The following ATP6V0A4 variants were observed in gnomAD, a reference collection of about 807,000 sequenced individuals.
ATP6V0A4 encodes V-type proton ATPase 116 kDa subunit a 4.
ATP6V0A4 carries 86 observed loss-of-function variants against 107.3 expected under a neutral mutation model. That is an observed-to-expected ratio of 0.80 (90% CI 0.67 to 0.96). The LOEUF (loss-of-function observed/expected upper bound fraction) is 0.96. Ranked by LOEUF, ATP6V0A4 falls within the 40% of genes least tolerant of loss-of-function variation. ATP6V0A4 has a pLI of 0.00. For missense variants in ATP6V0A4, 908 were observed against 1,045.6 expected, an observed-to-expected ratio of 0.87 and a Z score of 1.81; for synonymous variants, 353 against 381.4, an observed-to-expected ratio of 0.93 and a Z score of 0.87.
intron 20 of ATP6V0A4, among the ~76,000 whole-genome samples, chr7:138,711,897 G>A (rs1470305422): frequency 2.0e-5 from 3 of 152,240 alleles, no homozygotes; most frequent in Non-Finnish European, 2.9e-5. Context: ...GTGCATTCGT[G>A]TGAAGTGGCT....
chr7:138,760,365 C>T (rs1806741692), intron 7 of ATP6V0A4, among the ~76,000 whole-genome samples: 1 of 149,680 alleles, frequency 6.7e-6, no homozygotes, highest in African/African-American at 2.5e-5. Flanking sequence ...ATCACTTGAA[C>T]CTGGGAGGCG....
intron 19 of ATP6V0A4, 26 bp from the exon 20 acceptor site, chr7:138,715,907 C>T (rs1241967193): frequency 3.7e-6 from 6 of 1,609,798 alleles, no homozygotes; most frequent in Non-Finnish European, 5.1e-6. Flanking sequence ...GTTTATTTTA[C>T]TTCATTGAGA....
Position 138,771,081 on chromosome 7 carries a change from T to A in ATP6V0A4, c.117+50A>T, listed in dbSNP as rs183735330. On this transcript the variant is annotated intron_variant, in intron 3 of 21. Coordinates refer to ENST00000310018, the MANE Select transcript of ATP6V0A4 (RefSeq NM_020632.3). ...ATAAAGAAGTGTTGTGCAAGAGTTA[T>A]CTACTCCCACCCCTGCCTTCCTCTT... 5.9e-6 allele frequency: 9 copies of A among 1,533,582 alleles called. No individual in the cohort carries two copies. In the African/African-American group the frequency reaches 1.2e-4, roughly 21 times the overall value. The allele number at this position is 1,533,582 out of a possible 1,614,324, so 95.0% of individuals were successfully genotyped here. A position where few individuals can be genotyped will look rare whatever the true frequency, so the allele number is the denominator to read the frequency against.
At chr7:138,789,782 C>T (rs1196660377) in intron 1 of ATP6V0A4, among the ~76,000 whole-genome samples, 1 of 82,268 alleles carries the variant, frequency 1.2e-5, no homozygotes, top group African/African-American at 5.3e-5. Context: ...ACCAGCCTGA[C>T]CAACATGGAG....
intron 17 of ATP6V0A4, among the ~76,000 whole-genome samples, chr7:138,729,110 T>A (rs576349704): frequency 6.6e-6 from 1 of 152,284 alleles, no homozygotes; most frequent in South Asian, 2.1e-4. Context: ...TTATTCTGAG[T>A]AGTCCCTTGT....
intron 5 of ATP6V0A4, among the ~76,000 whole-genome samples, chr7:138,765,234 C>G (rs546420972): frequency 2.0e-5 from 3 of 152,176 alleles, no homozygotes; most frequent in African/African-American, 7.2e-5. Context: ...ATCCGCCCAT[C>G]ATCCAGCTTC....
At chr7:138,762,775 C>G in intron 6 of ATP6V0A4, 125 bp downstream of exon 6, 1 of 1,186,796 alleles carries the variant, frequency 8.4e-7, no homozygotes, top group South Asian at 1.2e-5. Context: ...CCCGCCCTCA[C>G]CAATGGCCTA....
chr7:138,737,115 A>ATATATATATATATATATATCTAT (rs540225443), intron 15 of ATP6V0A4, among the ~76,000 whole-genome samples: 1 of 86,718 alleles, frequency 1.2e-5, no homozygotes, highest in Non-Finnish European at 2.1e-5. Context: ...AGCCCTTATT[A>ATATATATATATATATATATCTAT]ATATATATAT....
Position 138,798,169 on chromosome 7 carries a change from ACTCGGCTTG to A in ATP6V0A4, c.-265_-257del. 3 of 1,595,212 alleles carry A rather than the reference ACTCGGCTTG, an allele frequency of 1.9e-6. No individual in the cohort carries two copies. The highest frequency in any genetic ancestry group is 2.6e-6 in the Non-Finnish European group (3 of 1,171,792). ...CTCAGCCTGGCCTTTGCCTCCCTCC[ACTCGGCTTG>A]CTCGGCAGGTAGCGTTATGAGCTTT... On this transcript the variant is annotated 5_prime_UTR_variant, in exon 1 of 22. Coordinates refer to ENST00000310018, the MANE Select transcript of ATP6V0A4 (RefSeq NM_020632.3).
At chr7:138,729,619 C>T (rs1804887725) in intron 17 of ATP6V0A4, among the ~76,000 whole-genome samples, 1 of 152,186 alleles carries the variant, frequency 6.6e-6, no homozygotes. Flanking sequence ...CTTATACACA[C>T]CCCAGTGACC....
At chr7:138,715,385 G>T (rs112198486) in intron 20 of ATP6V0A4, among the ~76,000 whole-genome samples, 40,816 of 151,962 alleles carry the variant, frequency 0.27, 5,748 homozygotes, top group South Asian at 0.41. Context: ...ATTTTCAGTA[G>T]AGACGGGTTT....
In ATP6V0A4 at chr7:138,747,408, G is replaced by A. The variant is rs200641150; in HGVS notation, c.1320+17C>T. The A allele has an allele frequency of 2.2e-5, 36 of 1,612,530 alleles. No homozygotes were observed. Among genetic ancestry groups the A allele is most frequent in the African/African-American group, 1.6e-4 (12 of 74,958 alleles). ...TTCTGAAAATGAATCAGGGCAAGAC[G>A]GTCAATGGACACTCACCTCATTGTC... On this transcript the variant is annotated intron_variant, in intron 13 of 21. Coordinates refer to ENST00000310018, the MANE Select transcript of ATP6V0A4 (RefSeq NM_020632.3).
At chr7:138,778,788 C>T (rs541157882) in intron 2 of ATP6V0A4, among the ~76,000 whole-genome samples, 1 of 152,096 alleles carries the variant, frequency 6.6e-6, no homozygotes, top group Non-Finnish European at 1.5e-5. Context: ...TTCAGCCCCA[C>T]TCTGTGGTAA....
At position 138,798,038 on chromosome 7, in the gene ATP6V0A4, A is replaced by G. The variant is rs1295443525; in HGVS notation, c.-125T>C. On this transcript the variant is annotated 5_prime_UTR_variant, in exon 1 of 22. Transcript: ENST00000310018. ...TGCAGGTGGGAGTCGACTCACCTGCAGCAGGCACTCGGCACAACTCCGCAG... is the reference window on the plus strand; with the variant it reads ...TGCAGGTGGGAGTCGACTCACCTGCGGCAGGCACTCGGCACAACTCCGCAG... 1 of 1,555,210 alleles carries G rather than the reference A, an allele frequency of 6.4e-7. No homozygotes were observed. Among genetic ancestry groups the G allele is most frequent in the South Asian group, 1.2e-5 (1 of 84,160 alleles).
At chr7:138,794,951 G>A (rs1808588515) in intron 1 of ATP6V0A4, among the ~76,000 whole-genome samples, 3 of 150,094 alleles carry the variant, frequency 2.0e-5, no homozygotes, top group Non-Finnish European at 3.0e-5. Flanking sequence ...AGGCTGGAGT[G>A]CAGTGGCACA....
At chr7:138,751,476 C>T (rs1001624853) in intron 11 of ATP6V0A4, among the ~76,000 whole-genome samples, 2 of 151,626 alleles carry the variant, frequency 1.3e-5, no homozygotes, top group Admixed American at 6.6e-5. Flanking sequence ...GGGTGAATAA[C>T]GGTGATCAGA....
intron 21 of ATP6V0A4, among the ~76,000 whole-genome samples, chr7:138,708,802 A>C (rs1249980255): frequency 6.6e-6 from 1 of 152,192 alleles, no homozygotes; most frequent in Non-Finnish European, 1.5e-5. Context: ...CACTGGGCGC[A>C]GTGGCTCATG....
chr7:138,797,587 T>G (rs1808743445), intron 1 of ATP6V0A4, among the ~76,000 whole-genome samples: 1 of 151,912 alleles, frequency 6.6e-6, no homozygotes, highest in Admixed American at 6.6e-5. Context: ...CCACAGTGCT[T>G]TATCCTCCCA....
intron 8 of ATP6V0A4, among the ~76,000 whole-genome samples, chr7:138,757,954 T>C (rs1416482318): frequency 1.3e-5 from 2 of 152,210 alleles, no homozygotes; most frequent in East Asian, 3.9e-4. Context: ...TTACATTATT[T>C]CCAAAAGGTT....
Sources: gnomAD v4.1 joint callset for allele counts (sites outside exome capture counted in the v4.1 genomes callset) on GRCh38, gnomAD v4.1.1 for gene constraint, MANE v1.5 for transcripts, NCBI Gene and HGNC (gene_info 2026-07-23, HGNC 2026-07-21) for gene names.